HS6ST1: variants seen among roughly 807,000 people sequenced by gnomAD.
The protein encoded by HS6ST1 is heparan-sulfate 6-O-sulfotransferase 1.
Under a neutral mutation model 25.2 loss-of-function variants are expected in HS6ST1, and 3 were observed. The observed-to-expected ratio is 0.12, with a 90% confidence interval of 0.05 to 0.31. The LOEUF (loss-of-function observed/expected upper bound fraction) is 0.31, where lower values mean the gene tolerates loss of function less well. Ranked by LOEUF, HS6ST1 falls within the 10% of genes least tolerant of loss-of-function variation. The probability of loss-of-function intolerance (pLI) is 1.00; values close to 1 mark genes in which losing one functional copy is unlikely to be tolerated. For missense variants in HS6ST1, 310 were observed against 609.6 expected (o/e 0.51, Z 5.18); for synonymous variants, 204 against 275.1 (o/e 0.74, Z 2.56).
At chr2:128,270,331 G>T (rs1310530569) in intron 1 of HS6ST1, among the ~76,000 whole-genome samples, 1 of 152,164 alleles carries the variant, frequency 6.6e-6, no homozygotes, top group African/African-American at 2.4e-5. Context: ...GATAAGCTGT[G>T]GGCAGCAGGG....
At chr2:128,276,883 G>A (rs1230910965) in intron 1 of HS6ST1, among the ~76,000 whole-genome samples, 3 of 152,104 alleles carry the variant, frequency 2.0e-5, no homozygotes, top group Non-Finnish European at 4.4e-5. Context: ...TACGAGCTAC[G>A]CTGCTGTGGT....
chr2:128,305,036 T>C (rs1201258145), intron 1 of HS6ST1, among the ~76,000 whole-genome samples: 2 of 152,212 alleles, frequency 1.3e-5, no homozygotes, highest in East Asian at 3.9e-4. Context: ...AGGAGGCAGC[T>C]CCCTGCTATG....
rs549706202 is a variant in HS6ST1 at position 128,289,335 on chromosome 2, A to G, written c.528-20465T>C. On this transcript the variant is annotated intron_variant, in intron 1 of 1. Transcript: ENST00000259241. ...AGCACTTCTGTGGTTGGTGCCTCCA[A>G]AAAAGGTTAGGGCCCAGCAGGCATT... Among the ~76,000 whole-genome samples, 13 of 152,170 alleles carry G rather than the reference A, an allele frequency of 8.5e-5. No individual in the cohort carries two copies. In the East Asian group the frequency reaches 2.5e-3, roughly 29 times the overall value.
intron 1 of HS6ST1, among the ~76,000 whole-genome samples, chr2:128,283,525 G>A (rs1381357036): frequency 6.6e-6 from 1 of 152,218 alleles, no homozygotes; most frequent in African/African-American, 2.4e-5. Flanking sequence ...CCATGGAGGA[G>A]GTGACCCCGG....
At chr2:128,294,596 C>T (rs1694011236) in intron 1 of HS6ST1, among the ~76,000 whole-genome samples, 1 of 152,016 alleles carries the variant, frequency 6.6e-6, no homozygotes, top group African/African-American at 2.4e-5. Flanking sequence ...AGGACAAGTG[C>T]TCTGGGGCCT....
chr2:128,284,644 T>C (rs1278951286), intron 1 of HS6ST1, among the ~76,000 whole-genome samples: 4 of 152,178 alleles, frequency 2.6e-5, no homozygotes, highest in East Asian at 1.9e-4. Context: ...GGCTCCATGA[T>C]ACCCAGCTAA....
intron 1 of HS6ST1, among the ~76,000 whole-genome samples, chr2:128,275,352 G>A (rs911747529): frequency 6.6e-6 from 1 of 152,084 alleles, no homozygotes; most frequent in African/African-American, 2.4e-5. Flanking sequence ...TTCATCTATC[G>A]AAACAAAGTA....
At chr2:128,295,286 C>T (rs7566627) in intron 1 of HS6ST1, among the ~76,000 whole-genome samples, 57,692 of 152,028 alleles carry the variant, frequency 0.38, 12,320 homozygotes, top group East Asian at 0.77. Context: ...CACTTCAGGG[C>T]AGGGGGTACC....
At chr2:128,288,359 C>T (rs1431977457) in intron 1 of HS6ST1, among the ~76,000 whole-genome samples, 1 of 152,168 alleles carries the variant, frequency 6.6e-6, no homozygotes, top group Non-Finnish European at 1.5e-5. Flanking sequence ...CTGTCCCTGC[C>T]AGGTGAGAAA....
At chr2:128,294,131 A>G (rs1162201673) in intron 1 of HS6ST1, among the ~76,000 whole-genome samples, 1 of 152,144 alleles carries the variant, frequency 6.6e-6, no homozygotes, top group Non-Finnish European at 1.5e-5. Context: ...TCCATGAAGC[A>G]CTGTCCTTCA....
intron 1 of HS6ST1, among the ~76,000 whole-genome samples, chr2:128,278,423 T>C (rs976497547): frequency 1.3e-5 from 2 of 152,182 alleles, no homozygotes; most frequent in East Asian, 1.9e-4. Flanking sequence ...GCACAGGAGA[T>C]TGGAGCCTGG....
In HS6ST1 at chr2:128,268,392, G is replaced by C. The variant is rs370556993; in HGVS notation, c.1006C>G (p.Arg336Gly). The change falls in exon 2 of 2, where the codon CGC (arginine) becomes GGC (glycine). Residue 336 changes from arginine to glycine, a missense_variant. By Grantham distance (125) the Arg-to-Gly change is moderately radical (BLOSUM62 -2). Around this residue, in one of 5 missense-constraint regions of HS6ST1, gnomAD observed 140 missense variants for 176.5 expected, o/e 0.79. Coordinates refer to ENST00000259241, the MANE Select transcript of HS6ST1 (RefSeq NM_004807.3). ...GVEVDEDTIR[R>G]IEELNDLDMQ... Reference sequence around the variant, plus strand: ...TCCAGGTCGTTGAGCTCCTCGATGCGCCGGATGGTGTCTTCATCCACCTCC... The same window carrying C: ...TCCAGGTCGTTGAGCTCCTCGATGCCCCGGATGGTGTCTTCATCCACCTCC... 3 of 1,613,638 alleles carry C rather than the reference G, an allele frequency of 1.9e-6. No homozygotes were observed. Among genetic ancestry groups the C allele is most frequent in the Admixed American group, 1.7e-5 (1 of 60,020 alleles).
intron 1 of HS6ST1, among the ~76,000 whole-genome samples, chr2:128,272,032 A>C (rs1693616145): frequency 6.6e-6 from 1 of 152,218 alleles, no homozygotes; most frequent in African/African-American, 2.4e-5. Context: ...GGCCACCTGA[A>C]GGCAGGAGCC....
chr2:128,283,645 T>C (rs1041909290), intron 1 of HS6ST1, among the ~76,000 whole-genome samples: 2 of 152,164 alleles, frequency 1.3e-5, no homozygotes, highest in Admixed American at 6.5e-5. Context: ...TGAGCATGTC[T>C]TCTGCAGCCT....
At position 128,312,897 on chromosome 2, in the gene HS6ST1, T is replaced by C. The variant is rs184227457; in HGVS notation, c.527+5140A>G. Among the ~76,000 whole-genome samples, 169 of 152,174 alleles carry C rather than the reference T, an allele frequency of 1.1e-3. 4 individuals are homozygous for C. The highest frequency in any genetic ancestry group is 9.7e-3 in the Admixed American group (148 of 15,296). On this transcript the variant is annotated intron_variant, in intron 1 of 1. Transcript: ENST00000259241. The stretch of plus-strand genomic sequence containing the variant: ...CAACATGGTGAAACCCCGTCTTTAC[T>C]AAAAATATAAAAAAAATTAGCCAAG...
intron 1 of HS6ST1, among the ~76,000 whole-genome samples, chr2:128,300,737 C>T (rs148838811): frequency 0.016 from 2,369 of 152,310 alleles, 37 homozygotes; most frequent in Non-Finnish European, 0.018. Context: ...CACCTGGCCA[C>T]ACCCAGGGCC....
chr2:128,317,547 C>T (rs1014465599), intron 1 of HS6ST1, among the ~76,000 whole-genome samples: 1 of 152,244 alleles, frequency 6.6e-6, no homozygotes, highest in African/African-American at 2.4e-5. Context: ...GCAGCTCCCC[C>T]ACCCTCTGAA....
intron 1 of HS6ST1, among the ~76,000 whole-genome samples, chr2:128,298,994 T>C (rs1694080952): frequency 6.6e-6 from 1 of 152,072 alleles, no homozygotes; most frequent in Admixed American, 6.5e-5. Flanking sequence ...CCCTCCTGCA[T>C]GACTGTGTGG....
Position 128,266,874 on chromosome 2 carries a change from A to G in HS6ST1, c.*1288T>C, listed in dbSNP as rs1693523768. ...ATGCAACATGGCTTTTGGTAGGGCCATTGCAGCCAGTGGGGAAACCTGCGC... is the reference window on the plus strand; with the variant it reads ...ATGCAACATGGCTTTTGGTAGGGCCGTTGCAGCCAGTGGGGAAACCTGCGC... On this transcript the variant is annotated 3_prime_UTR_variant, in exon 2 of 2. Coordinates refer to ENST00000259241, the MANE Select transcript of HS6ST1 (RefSeq NM_004807.3). 6.6e-6 allele frequency: 1 copy of G among 152,060 alleles called. No individual in the cohort carries two copies. The highest frequency in any genetic ancestry group is 2.1e-4 in the South Asian group (1 of 4,824). 9.4% of individuals were successfully genotyped at this position (152,060 alleles called of 1,614,324 possible). A position where few individuals can be genotyped will look rare whatever the true frequency, so the allele number is the denominator to read the frequency against.
Sources: allele counts gnomAD v4.1 joint callset (sites outside exome capture counted in the v4.1 genomes callset), GRCh38; gene constraint gnomAD v4.1.1; regional missense constraint gnomAD v4.1.1; transcripts MANE v1.5; gene names NCBI Gene and HGNC (gene_info 2026-07-23, HGNC 2026-07-21).